Variants in TBC1D22A observed in about 807,000 individuals in gnomAD.
The protein encoded by TBC1D22A is putative GTPase activator.
A neutral mutation model predicts 60.2 loss-of-function variants in TBC1D22A; 38 were observed. The ratio of observed to expected loss-of-function variants is 0.63; its 90% CI spans 0.49 to 0.83. TBC1D22A has a LOEUF of 0.83. TBC1D22A is among the 40% of genes least tolerant of loss of function. TBC1D22A has a pLI of 0.00. For missense variants in TBC1D22A, 628 were observed against 701.0 expected, an observed-to-expected ratio of 0.90 and a Z score of 1.18; for synonymous variants, 302 against 281.7, an observed-to-expected ratio of 1.07 and a Z score of -0.72.
chr22:47,157,437 C>T (rs1306461522), intron 12 of TBC1D22A, among the ~76,000 whole-genome samples: 6 of 152,180 alleles, frequency 3.9e-5, no homozygotes, highest in Admixed American at 1.3e-4. Context: ...GGTGTGTGCA[C>T]GTGTCCGTCT....
At position 47,028,447 on chromosome 22, in the gene TBC1D22A, TCGG is replaced by T. The variant is rs2062338624; in HGVS notation, c.1202-8623_1202-8621del. On this transcript the variant is annotated intron_variant, in intron 10 of 12. Transcript: ENST00000337137. This position sits in a 1 kb window ranked among gnomAD's most constrained non-coding sequence, Gnocchi z 4.4. ...GAGCGAGTGGTCGCATTCCTGTCCCTCGGTCCCTGTCCCCCACGGCCCAGGTTC... is the reference window on the plus strand; with the variant it reads ...GAGCGAGTGGTCGCATTCCTGTCCCTTCCCTGTCCCCCACGGCCCAGGTTC... 8.2e-6 allele frequency among the ~76,000 whole-genome samples: 1 copy of T among 122,432 alleles called. No individual in the cohort carries two copies. Among genetic ancestry groups the T allele is most frequent in the African/African-American group, 4.0e-5 (1 of 24,700 alleles). The allele number at this position is 122,432 out of a possible 152,430, so 80.3% of individuals were successfully genotyped here. A position where few individuals can be genotyped will look rare whatever the true frequency, so the allele number is the denominator to read the frequency against.
At chr22:46,941,834 A>ATGT (rs370457997) in intron 8 of TBC1D22A, among the ~76,000 whole-genome samples, 11,897 of 121,252 alleles carry the variant, frequency 0.098, 832 homozygotes, top group African/African-American at 0.18. Flanking sequence ...TATATAGAAT[A>ATGT]ATAGAATATA....
At chr22:46,994,997 C>T (rs2075070014) in intron 9 of TBC1D22A, among the ~76,000 whole-genome samples, 1 of 152,236 alleles carries the variant, frequency 6.6e-6, no homozygotes, top group Non-Finnish European at 1.5e-5. Context: ...GCTGTTGCTG[C>T]GGCTCCCTCT....
At chr22:46,995,735 C>T (rs1274593668) in intron 9 of TBC1D22A, among the ~76,000 whole-genome samples, 1 of 152,082 alleles carries the variant, frequency 6.6e-6, no homozygotes, top group Non-Finnish European at 1.5e-5. Context: ...TGCTGTGTGC[C>T]CTGTCACCCT....
intron 8 of TBC1D22A, among the ~76,000 whole-genome samples, chr22:46,917,804 C>T (rs975222935): frequency 5.3e-5 from 8 of 152,056 alleles, no homozygotes; most frequent in African/African-American, 1.7e-4. Flanking sequence ...CAGGGGTCTC[C>T]GAGCTGTGAC....
intron 4 of TBC1D22A, among the ~76,000 whole-genome samples, chr22:46,837,859 A>G (rs2086588224): frequency 6.6e-6 from 1 of 152,218 alleles, no homozygotes; most frequent in Admixed American, 6.5e-5. Flanking sequence ...TCAGGAGTTC[A>G]AGACCAGCCT....
At chr22:47,037,989 C>T (rs1003678794) in intron 11 of TBC1D22A, among the ~76,000 whole-genome samples, 1 of 152,218 alleles carries the variant, frequency 6.6e-6, no homozygotes, top group African/African-American at 2.4e-5. Flanking sequence ...AAATTCAATT[C>T]TTCAGGAGGT....
At chr22:46,953,520 A>G (rs552115086) in intron 8 of TBC1D22A, among the ~76,000 whole-genome samples, 1 of 151,894 alleles carries the variant, frequency 6.6e-6, no homozygotes, top group South Asian at 2.1e-4. Flanking sequence ...GTCTGTATCT[A>G]CTTGGCCTTA....
At chr22:46,967,995 T>G (rs1270588283) in intron 8 of TBC1D22A, among the ~76,000 whole-genome samples, 1 of 152,182 alleles carries the variant, frequency 6.6e-6, no homozygotes, top group Non-Finnish European at 1.5e-5. Flanking sequence ...CAGAGGCTGA[T>G]GTCGTCTCAC....
chr22:46,965,725 G>C (rs550525232), intron 8 of TBC1D22A, among the ~76,000 whole-genome samples: 23 of 152,336 alleles, frequency 1.5e-4, no homozygotes, highest in Admixed American at 7.8e-4. Context: ...CACGACGTCT[G>C]CCTCATCCCG....
At chr22:46,992,638 C>T (rs1357932686) in intron 9 of TBC1D22A, among the ~76,000 whole-genome samples, 4 of 152,242 alleles carry the variant, frequency 2.6e-5, no homozygotes, top group South Asian at 2.1e-4. Flanking sequence ...TTTTCTGGCA[C>T]GTAGGAGGCT....
At chr22:47,052,315 G>A (rs371285993) in intron 11 of TBC1D22A, among the ~76,000 whole-genome samples, 7 of 152,190 alleles carry the variant, frequency 4.6e-5, no homozygotes, top group African/African-American at 9.6e-5. Flanking sequence ...TCGGCCATGC[G>A]GCCTGTGTGG....
chr22:47,173,232 TG>T (rs1389770747), intron 12 of TBC1D22A, among the ~76,000 whole-genome samples: 4 of 151,960 alleles, frequency 2.6e-5, no homozygotes, highest in African/African-American at 9.7e-5. Context: ...GCGGTGGCCG[TG>T]GGGCGAGGCC....
At chr22:46,894,084 C>T (rs146549144) in intron 6 of TBC1D22A, among the ~76,000 whole-genome samples, 4 of 152,300 alleles carry the variant, frequency 2.6e-5, no homozygotes, top group African/African-American at 7.2e-5. Flanking sequence ...TGCCTGTCTT[C>T]CCTCAGTCCA....
chr22:46,922,044 AATCT>A (rs2070788585), intron 8 of TBC1D22A, among the ~76,000 whole-genome samples: 1 of 152,140 alleles, frequency 6.6e-6, no homozygotes, highest in Non-Finnish European at 1.5e-5. Context: ...GTAAGTCTTT[AATCT>A]ATCTTGAGTT....
intron 1 of TBC1D22A, among the ~76,000 whole-genome samples, chr22:46,782,458 G>A (rs1655748792): frequency 6.6e-6 from 1 of 152,224 alleles, no homozygotes; most frequent in South Asian, 2.1e-4. Context: ...GGTCAGGGAG[G>A]GGGCCCTTCC....
chr22:46,994,653 A>G (rs1264524415), intron 9 of TBC1D22A, among the ~76,000 whole-genome samples: 7 of 152,236 alleles, frequency 4.6e-5, no homozygotes, highest in Non-Finnish European at 1.0e-4. Flanking sequence ...TTCATTAAAT[A>G]ATCTTAGGAC....
intron 8 of TBC1D22A, among the ~76,000 whole-genome samples, chr22:46,946,672 G>T (rs1195952343): frequency 6.6e-6 from 1 of 152,318 alleles, no homozygotes; most frequent in East Asian, 1.9e-4. Flanking sequence ...TTCCCAGGCA[G>T]TTTTCATTTT....
chr22:46,827,110 A>G (rs2086102397), intron 4 of TBC1D22A, among the ~76,000 whole-genome samples: 2 of 152,098 alleles, frequency 1.3e-5, no homozygotes, highest in South Asian at 4.1e-4. Flanking sequence ...TTCACGACCT[A>G]TTTATAAGTG....
Sources: gnomAD v4.1 joint callset for allele counts (sites outside exome capture counted in the v4.1 genomes callset) on GRCh38, gnomAD v4.1.1 for gene constraint, Gnocchi (gnomAD v3.1) non-coding constraint, MANE v1.5 for transcripts, NCBI Gene and HGNC (gene_info 2026-07-23, HGNC 2026-07-21) for gene names.